NAV1: variants seen among roughly 807,000 people sequenced by gnomAD.
The protein encoded by NAV1 is neuron navigator 1.
In NAV1, 18 loss-of-function variants were observed where a neutral mutation model predicts 175.2. That is an observed-to-expected ratio of 0.10 (90% CI 0.07 to 0.15). NAV1 has a LOEUF of 0.15. Ranked by LOEUF, NAV1 falls within the 10% of genes least tolerant of loss-of-function variation. NAV1 has a pLI of 1.00. For missense variants in NAV1, 1,731 were observed against 2,436.6 expected (o/e 0.71, Z 6.10); for synonymous variants, 897 against 978.7 (o/e 0.92, Z 1.56).
At chr1:201,559,710 C>T (rs776683771) in intron 1 of NAV1, among the ~76,000 whole-genome samples, 3 of 152,200 alleles carry the variant, frequency 2.0e-5, no homozygotes, top group Non-Finnish European at 2.9e-5. Context: ...TCTCTTTGGA[C>T]AGAACCCCGT....
Position 201,678,786 on chromosome 1 carries a change from C to T in NAV1, c.757+29361C>T, listed in dbSNP as rs561606488. Among the ~76,000 whole-genome samples the T allele has an allele frequency of 4.6e-4, 70 of 152,286 alleles. 1 individual carries two copies. Among genetic ancestry groups the T allele is most frequent in the African/African-American group, 1.6e-3 (65 of 41,568 alleles). ...CACAAGCTCAAACTCAAGGACACAC[C>T]TCCCTCTGTCTGTCCCCCCTCCCAA... On this transcript the variant is annotated intron_variant, in intron 1 of 29. Transcript: ENST00000367296.
At chr1:201,825,560 C>T (rs956265799) in exon 30 of NAV1, 5 of 152,332 alleles carry the variant, frequency 3.3e-5, no homozygotes, top group African/African-American at 1.2e-4. Context: ...GACCTGGGCA[C>T]TTCAGTCCTT....
upstream of NAV1, among the ~76,000 whole-genome samples, chr1:201,648,082 A>G (rs906510556): frequency 2.9e-5 from 4 of 136,844 alleles, no homozygotes; most frequent in South Asian, 2.4e-4. Flanking sequence ...TAGACACACT[A>G]TCTCTCCCCC....
At chr1:201,651,921 G>C (rs1481391382) in intron 1 of NAV1, among the ~76,000 whole-genome samples, 1 of 152,082 alleles carries the variant, frequency 6.6e-6, no homozygotes, top group African/African-American at 2.4e-5. Flanking sequence ...CAGTGGTAGG[G>C]AGGAAAGGAG....
intron 1 of NAV1, among the ~76,000 whole-genome samples, chr1:201,557,671 C>A (rs1666069826): frequency 6.6e-6 from 1 of 152,224 alleles, no homozygotes; most frequent in African/African-American, 2.4e-5. Context: ...CTTGCCCACA[C>A]CACTTAGGCT....
chr1:201,808,997 T>TA lies in NAV1; in HGVS notation c.4207+128dup. On this transcript the variant is annotated intron_variant, in intron 20 of 29. Coordinates refer to ENST00000367296, the Ensembl canonical transcript of NAV1. The surrounding 1 kb of genome is among the most constrained non-coding windows in gnomAD (Gnocchi z 5.5). ...CGAAGCCAAGCAGATGCCAGTGTCC[T>TA]AAGACACTGAGTTGTAATGGTCCTT... is the stretch of plus-strand genomic sequence containing the variant. 7.5e-7 allele frequency: 1 copy of TA among 1,333,846 alleles called. No homozygotes were observed. The highest frequency in any genetic ancestry group is 2.3e-5 in the East Asian group (1 of 43,288). 82.6% of individuals were successfully genotyped at this position (1,333,846 alleles called of 1,614,324 possible). A position where few individuals can be genotyped will look rare whatever the true frequency, so the allele number is the denominator to read the frequency against.
At chr1:201,674,882 C>A (rs988144745) in intron 1 of NAV1, among the ~76,000 whole-genome samples, 1 of 152,000 alleles carries the variant, frequency 6.6e-6, no homozygotes, top group Non-Finnish European at 1.5e-5. Context: ...ACTAAAAATA[C>A]ACACACACAT....
intron 3 of NAV1, among the ~76,000 whole-genome samples, chr1:201,741,866 C>T (rs1048375589): frequency 1.3e-5 from 2 of 152,178 alleles, no homozygotes; most frequent in Non-Finnish European, 2.9e-5. Context: ...TATCCTGGGG[C>T]CATAGCTATT....
intron 3 of NAV1, among the ~76,000 whole-genome samples, chr1:201,726,391 C>A (rs1672607367): frequency 1.3e-5 from 2 of 152,116 alleles, no homozygotes; most frequent in East Asian, 1.9e-4. Context: ...TGCCTGTAAT[C>A]CCAGCACTTT....
intron 1 of NAV1, among the ~76,000 whole-genome samples, chr1:201,688,781 G>T (rs1670783415): frequency 1.3e-5 from 2 of 152,192 alleles, no homozygotes; most frequent in Non-Finnish European, 1.5e-5. Context: ...TGACAGCAGG[G>T]AGTCAAATGT....
intron 1 of NAV1, among the ~76,000 whole-genome samples, chr1:201,626,548 C>A (rs189470487): frequency 1.3e-5 from 2 of 152,180 alleles, no homozygotes; most frequent in Non-Finnish European, 2.9e-5. Context: ...ATCCCCTGTC[C>A]GCTCTCAGGA....
chr1:201,809,924 T>G, intron 22 of NAV1, 22 bp from the exon 27 acceptor site: 1 of 1,601,836 alleles, frequency 6.2e-7, no homozygotes, highest in Non-Finnish European at 8.5e-7. Context: ...TTTCTTCTTC[T>G]TCTGCCTGTC....
At chr1:201,679,519 T>C (rs910509931) in intron 1 of NAV1, among the ~76,000 whole-genome samples, 1 of 152,190 alleles carries the variant, frequency 6.6e-6, no homozygotes, top group Non-Finnish European at 1.5e-5. Flanking sequence ...AAATGTATGG[T>C]GCCCTTACTA....
chr1:201,691,821 A>C (rs1368008480), intron 1 of NAV1, among the ~76,000 whole-genome samples: 2 of 152,174 alleles, frequency 1.3e-5, no homozygotes, highest in Non-Finnish European at 2.9e-5. Context: ...ATGGTCTTGG[A>C]ATATTTCTCA....
intron 1 of NAV1, among the ~76,000 whole-genome samples, chr1:201,676,957 A>G (rs1670275491): frequency 6.6e-6 from 1 of 152,032 alleles, no homozygotes; most frequent in South Asian, 2.1e-4. Context: ...TCAAGTCAGA[A>G]TTACTGGGGT....
chr1:201,773,151 T>C (rs934945142), intron 3 of NAV1, among the ~76,000 whole-genome samples: 1 of 152,168 alleles, frequency 6.6e-6, no homozygotes, highest in Non-Finnish European at 1.5e-5. Flanking sequence ...ACATCTGTGC[T>C]CTTAATCACT....
At chr1:201,576,813 A>T (rs1666704432) in intron 1 of NAV1, among the ~76,000 whole-genome samples, 1 of 152,216 alleles carries the variant, frequency 6.6e-6, no homozygotes, top group Admixed American at 6.5e-5. Context: ...ATTGCTTTAA[A>T]ATTGTAGCCA....
chr1:201,589,342 C>CA (rs1256217157), intron 2 of NAV1, among the ~76,000 whole-genome samples: 1 of 152,120 alleles, frequency 6.6e-6, no homozygotes, highest in Non-Finnish European at 1.5e-5. Flanking sequence ...AAAGGAGAAG[C>CA]AAATTGTCAT....
chr1:201,785,193 G>A, intron 7 of NAV1, 117 bp from the exon 12 acceptor site: 1 of 989,692 alleles, frequency 1.0e-6, no homozygotes. Context: ...GTCATAGTTT[G>A]ATGTCCTGCG....
Sources: gnomAD v4.1 joint callset for allele counts (sites outside exome capture counted in the v4.1 genomes callset) on GRCh38, gnomAD v4.1.1 for gene constraint, Gnocchi (gnomAD v3.1) non-coding constraint, MANE v1.5 for transcripts, NCBI Gene and HGNC (gene_info 2026-07-23, HGNC 2026-07-21) for gene names.